Variants in KLHL3 observed in about 807,000 individuals in gnomAD.
KLHL3 encodes the protein kelch-like protein 3.
KLHL3 carries 19 observed loss-of-function variants against 70.5 expected under a neutral mutation model. The ratio of observed to expected loss-of-function variants is 0.27; its 90% CI spans 0.19 to 0.40. KLHL3 has a LOEUF of 0.40. KLHL3 is among the 10% of genes least tolerant of loss of function. The pLI is 1.00. For synonymous variants in KLHL3, 258 were observed against 290.3 expected (o/e 0.89, Z 1.13); for missense variants, 512 against 771.1 (o/e 0.66, Z 3.98).
chr5:137,624,399 T>G (rs1750402254), intron 14 of KLHL3, among the ~76,000 whole-genome samples: 1 of 152,212 alleles, frequency 6.6e-6, no homozygotes, highest in African/African-American at 2.4e-5. Context: ...GATTCCTCAC[T>G]TGTCTCACTC....
rs987649869 is a variant in KLHL3, at chr5:137,723,113, T to C, written c.15-2529A>G. On this transcript the variant is annotated intron_variant, in intron 1 of 14. Coordinates refer to ENST00000309755, the MANE Select transcript of KLHL3 (RefSeq NM_017415.3). ...AAAGTTCCAGATACAAAGAGATTTC[T>C]TTCTTGACTTACTAACTTATTCCAC... Among the ~76,000 whole-genome samples, 3 of 152,246 alleles carry C rather than the reference T, an allele frequency of 2.0e-5. No individual in the cohort carries two copies. In the South Asian group the frequency reaches 6.2e-4, roughly 31 times the overall value.
At chr5:137,729,528 C>T (rs183438855) in intron 1 of KLHL3, among the ~76,000 whole-genome samples, 122 of 152,246 alleles carry the variant, frequency 8.0e-4, no homozygotes, top group African/African-American at 2.7e-3. Context: ...TGGCCTCCCC[C>T]GTGGTTGTCC....
chr5:137,708,632 AG>A lies in KLHL3; in HGVS notation c.241+1117del, dbSNP rs138274387. Among the ~76,000 whole-genome samples, 445 of 152,284 alleles carry A rather than the reference AG, an allele frequency of 2.9e-3. 1 individual carries two copies. Among genetic ancestry groups the A allele is most frequent in the African/African-American group, 0.01 (433 of 41,558 alleles). Reference sequence around the variant, plus strand: ...ATGGGGCTTATATTCTAGTGAGGAGAGACAGGTAAAAAACACATAACAACAA... The same window carrying A: ...ATGGGGCTTATATTCTAGTGAGGAGAACAGGTAAAAAACACATAACAACAA... On this transcript the variant is annotated intron_variant, in intron 3 of 14. Coordinates refer to ENST00000309755, the MANE Select transcript of KLHL3 (RefSeq NM_017415.3).
At chr5:137,628,691 T>TAA (rs1554089840) in intron 12 of KLHL3, 23 of 288,312 alleles carry the variant, frequency 8.0e-5, no homozygotes, top group South Asian at 3.6e-4. Context: ...TAAAAAACAT[T>TAA]AAAAAATATA....
chr5:137,735,622 T>C lies in KLHL3; in HGVS notation c.14+11A>G, dbSNP rs886059959. 7 of 1,601,028 alleles carry C rather than the reference T, an allele frequency of 4.4e-6. No homozygotes were observed. The highest frequency in any genetic ancestry group is 4.5e-5 in the East Asian group (2 of 44,844). On this transcript the variant is annotated intron_variant, in intron 1 of 14. Transcript: ENST00000309755. ...ACACACACAACACAGCACACACTTATACATACATACCTTTCACCCTCCATT... is the reference window on the plus strand; with the variant it reads ...ACACACACAACACAGCACACACTTACACATACATACCTTTCACCCTCCATT...
intron 6 of KLHL3, among the ~76,000 whole-genome samples, chr5:137,662,240 TACACACACACACACACACACAC>T (rs138942924): frequency 1.4e-4 from 20 of 141,852 alleles, no homozygotes; most frequent in African/African-American, 4.4e-4. Context: ...ACACACACTC[TACACACACACACACACACACAC>T]ACACACACAC....
intron 5 of KLHL3, among the ~76,000 whole-genome samples, chr5:137,680,733 G>A (rs1752003593): frequency 2.0e-5 from 3 of 152,042 alleles, no homozygotes; most frequent in Non-Finnish European, 4.4e-5. Flanking sequence ...TAGTAGAGAC[G>A]GGGTTTCACC....
At chr5:137,698,250 G>A (rs747612603) in intron 4 of KLHL3, 37 bp downstream of exon 4, 4 of 1,611,914 alleles carry the variant, frequency 2.5e-6, no homozygotes, top group Non-Finnish European at 3.4e-6. Flanking sequence ...GGTCCTGAGT[G>A]TGCAATACAC....
At chr5:137,723,689 C>G (rs972385147) in intron 1 of KLHL3, among the ~76,000 whole-genome samples, 3 of 152,162 alleles carry the variant, frequency 2.0e-5, no homozygotes, top group Admixed American at 6.5e-5. Context: ...GATTTTTCTT[C>G]TATCAAATTC....
Position 137,634,169 on chromosome 5 carries a change from C to A in KLHL3, c.1322-4G>T, listed in dbSNP as rs1478266668. The A allele has an allele frequency of 3.7e-6, 6 of 1,601,896 alleles. No individual in the cohort carries two copies. In the East Asian group the frequency reaches 6.7e-5, roughly 18 times the overall value. ...CCCCCAACAGCATATAGCTTCCCTG[C>A]AATAGACAAAGTGGCTGAGTGTGGT... On this transcript the variant is annotated splice_polypyrimidine_tract_variant and splice_region_variant and intron_variant, in intron 11 of 14. Coordinates refer to ENST00000309755, the MANE Select transcript of KLHL3 (RefSeq NM_017415.3).
At chr5:137,657,582 ACAAATTCT>A (rs1336884293) in intron 8 of KLHL3, among the ~76,000 whole-genome samples, 1 of 152,046 alleles carries the variant, frequency 6.6e-6, no homozygotes, top group African/African-American at 2.4e-5. Context: ...CTGCTCCCTC[ACAAATTCT>A]CATTTCTCCC....
intron 5 of KLHL3, among the ~76,000 whole-genome samples, chr5:137,688,742 C>T (rs1426284341): frequency 2.6e-5 from 4 of 152,248 alleles, no homozygotes; most frequent in African/African-American, 9.6e-5. Flanking sequence ...ATTACTTCAC[C>T]TCTCTGTGCC....
intron 3 of KLHL3, 95 bp downstream of exon 3, chr5:137,709,655 C>G: frequency 1.0e-6 from 1 of 972,964 alleles, no homozygotes; most frequent in Non-Finnish European, 1.6e-6. Context: ...TAATGGCTTT[C>G]TCTTTCCTCC....
At chr5:137,718,150 C>A (rs553007897) in intron 2 of KLHL3, among the ~76,000 whole-genome samples, 2 of 152,290 alleles carry the variant, frequency 1.3e-5, no homozygotes, top group African/African-American at 4.8e-5. Context: ...TTTTTTCTCA[C>A]AGAGCATCTT....
chr5:137,632,458 A>T (rs765421138), intron 12 of KLHL3, among the ~76,000 whole-genome samples: 31 of 152,194 alleles, frequency 2.0e-4, no homozygotes, highest in Admixed American at 6.5e-4. Flanking sequence ...AGCCACATAC[A>T]GAAAAATGAA....
intron 5 of KLHL3, among the ~76,000 whole-genome samples, chr5:137,687,031 GC>G (rs1752190037): frequency 9.3e-6 from 1 of 107,192 alleles, no homozygotes; most frequent in South Asian, 4.0e-4. Context: ...GGGGGGGTCA[GC>G]CCCCCGCCCG....
intron 6 of KLHL3, among the ~76,000 whole-genome samples, chr5:137,667,275 A>C (rs1437572450): frequency 6.6e-6 from 1 of 152,254 alleles, no homozygotes. Flanking sequence ...CCTGGTCTAT[A>C]AAATCTAAGC....
chr5:137,643,354 CA>C (rs11323248), intron 8 of KLHL3, among the ~76,000 whole-genome samples: 32,673 of 122,450 alleles, frequency 0.27, 3,455 homozygotes, highest in East Asian at 0.48. Flanking sequence ...GACCCTGTCT[CA>C]AAAAAAAAAA....
chr5:137,650,411 G>A (rs1215883384), intron 8 of KLHL3, among the ~76,000 whole-genome samples: 2 of 152,196 alleles, frequency 1.3e-5, no homozygotes, highest in African/African-American at 2.4e-5. Flanking sequence ...CTCCTGGTCT[G>A]GGAGTCCCCT....
Sources: gnomAD v4.1 joint callset for allele counts (sites outside exome capture counted in the v4.1 genomes callset) on GRCh38, gnomAD v4.1.1 for gene constraint, MANE v1.5 for transcripts, NCBI Gene and HGNC (gene_info 2026-07-23, HGNC 2026-07-21) for gene names.